Variants in NPIPB2 observed in about 807,000 individuals in gnomAD.
The protein encoded by NPIPB2 is nuclear pore complex-interacting protein family member B2.
A neutral mutation model predicts 30.8 loss-of-function variants in NPIPB2; 27 were observed. That is an observed-to-expected ratio of 0.88 (90% confidence interval 0.65 to 1.21). The LOEUF is 1.21. Ranked by LOEUF, NPIPB2 falls within the 50% of genes most tolerant of loss-of-function variation. The pLI, the probability that NPIPB2 is intolerant of heterozygous loss-of-function variation, is 0.00. For missense variants in NPIPB2, 440 were observed against 446.2 expected (o/e 0.99, Z 0.13); for synonymous variants, 147 against 162.0 (o/e 0.91, Z 0.70).
In NPIPB2 at chr16:11,960,785, T is replaced by C. The variant is rs573524273; in HGVS notation, c.-584+15783A>G. On this transcript the variant is annotated intron_variant, in intron 1 of 5. Transcript: ENST00000538896. ...CTTCTTTAGTGCATCGCCCCTGATC[T>C]TCCTGTAGAATTTGACTCCACTCCC... Among the ~76,000 whole-genome samples, 5 of 152,260 alleles carry C rather than the reference T, an allele frequency of 3.3e-5. No individual in the cohort carries two copies. In the East Asian group the frequency reaches 9.7e-4, roughly 29 times the overall value.
At chr16:11,933,860 T>G (rs1358791034) in exon 3 of NPIPB2, 1 of 1,574,034 alleles carries the variant, frequency 6.4e-7, no homozygotes, top group Non-Finnish European at 8.6e-7. Flanking sequence ...CCTGGCTCTC[T>G]GCTGTACATC....
chr16:11,953,038 T>C (rs2055081613), intron 1 of NPIPB2, among the ~76,000 whole-genome samples: 2 of 152,208 alleles, frequency 1.3e-5, no homozygotes, highest in Non-Finnish European at 2.9e-5. Context: ...CATGTTCTCA[T>C]GGTCGCTTCT....
intron 1 of NPIPB2, among the ~76,000 whole-genome samples, chr16:11,948,766 CAAAAAA>C (rs34639444): frequency 8.0e-4 from 54 of 67,254 alleles, no homozygotes; most frequent in South Asian, 2.6e-3. Context: ...GACTCCGTCT[CAAAAAA>C]AAAAAAAAAA....
intron 1 of NPIPB2, among the ~76,000 whole-genome samples, chr16:11,938,099 A>G (rs1412492515): frequency 1.3e-5 from 2 of 151,914 alleles, no homozygotes; most frequent in East Asian, 1.9e-4. Context: ...GCTCACTGCA[A>G]CCTCCAGCTC....
chr16:11,951,273 G>T (rs969582207), intron 1 of NPIPB2, among the ~76,000 whole-genome samples: 2 of 151,084 alleles, frequency 1.3e-5, no homozygotes, highest in Admixed American at 6.6e-5. Flanking sequence ...TGGCTAACAC[G>T]GTGAAACCCC....
intron 1 of NPIPB2, among the ~76,000 whole-genome samples, chr16:11,947,322 T>TTA (rs1555509075): frequency 0.43 from 51,804 of 119,618 alleles, 11,859 homozygotes; most frequent in Non-Finnish European, 0.51. Flanking sequence ...ATTTATTTAT[T>TTA]TATATATATA....
rs1291827501 is a variant in NPIPB2 at position 11,933,614 on chromosome 16, C to CT, written c.390_391insA (p.Glu131ArgfsTer5). ...CGGATTTTAGCTCTACCTTTTGTTT[C>CT]CACATGTCTCCGTAGAGTAATGACG... On this transcript the variant is annotated frameshift_variant, in exon 4 of 8. Coordinates refer to ENST00000399147, the Ensembl canonical transcript of NPIPB2. LOFTEE classifies it high-confidence loss of function. 6.9e-7 allele frequency: 1 copy of CT among 1,454,280 alleles called. No individual in the cohort carries two copies. The highest frequency in any genetic ancestry group is 9.0e-7 in the Non-Finnish European group (1 of 1,111,384). The allele number at this position is 1,454,280 out of a possible 1,614,324, so 90.1% of individuals were successfully genotyped here.
At chr16:11,975,419 T>A (rs1052970608) in intron 1 of NPIPB2, among the ~76,000 whole-genome samples, 1 of 151,738 alleles carries the variant, frequency 6.6e-6, no homozygotes, top group Non-Finnish European at 1.5e-5. Context: ...AGTGCTGGGA[T>A]TACAGGCGTG....
intron 1 of NPIPB2, chr16:11,963,776 C>G (rs1318208275): frequency 7.0e-6 from 1 of 142,246 alleles, no homozygotes; most frequent in Non-Finnish European, 1.5e-5. Context: ...TGGCTCACAC[C>G]TGTAATCCCA....
At chr16:11,933,701 T>G (rs563976911) in exon 4 of NPIPB2, 1 of 1,596,840 alleles carries the variant, frequency 6.3e-7, no homozygotes, top group Non-Finnish European at 8.5e-7. Flanking sequence ...TGCATACAAA[T>G]GGACCTCAGC....
At chr16:11,967,834 T>C (rs777477440) in intron 1 of NPIPB2, 2 of 1,613,836 alleles carry the variant, frequency 1.2e-6, no homozygotes, top group Admixed American at 1.7e-5. Context: ...GAGAAATCAA[T>C]TTCTGCTAGG....
At chr16:11,966,215 G>C (rs371280917) in intron 1 of NPIPB2, 4 of 1,613,304 alleles carry the variant, frequency 2.5e-6, no homozygotes, top group South Asian at 1.1e-5. Context: ...TTCAGTGAAA[G>C]GAACGAATGC....
At chr16:11,927,828 G>A (rs1171323571) in exon 8 of NPIPB2, 1 of 1,378,486 alleles carries the variant, frequency 7.3e-7, no homozygotes, top group Non-Finnish European at 9.9e-7. Context: ...GTGAGGTAGG[G>A]CCAGTAGGGC....
intron 1 of NPIPB2, among the ~76,000 whole-genome samples, chr16:11,949,056 G>C (rs1385184508): frequency 2.6e-5 from 4 of 151,892 alleles, no homozygotes; most frequent in African/African-American, 9.7e-5. Context: ...GGCTGAGATG[G>C]GAGGATTGCT....
intron 1 of NPIPB2, among the ~76,000 whole-genome samples, chr16:11,955,469 G>T (rs1321622545): frequency 6.6e-6 from 1 of 151,564 alleles, no homozygotes; most frequent in African/African-American, 2.4e-5. Flanking sequence ...CAGCACTTTG[G>T]GAGGCTGAGG....
chr16:11,927,578 G>A (rs1380978864), exon 8 of NPIPB2: 1 of 1,608,380 alleles, frequency 6.2e-7, no homozygotes, highest in Admixed American at 1.7e-5. Flanking sequence ...TTCTGCCTCA[G>A]CCTCCTGAGT....
At chr16:11,951,897 C>T (rs541371055) in intron 1 of NPIPB2, among the ~76,000 whole-genome samples, 3 of 152,022 alleles carry the variant, frequency 2.0e-5, no homozygotes, top group East Asian at 3.9e-4. Flanking sequence ...CGGTGGCTCA[C>T]GCCTGTAATC....
chr16:11,975,667 T>C (rs1014034423), intron 1 of NPIPB2, among the ~76,000 whole-genome samples: 1 of 151,768 alleles, frequency 6.6e-6, no homozygotes, highest in African/African-American at 2.4e-5. Flanking sequence ...CTCGGCTCAC[T>C]GAAACCTCTG....
chr16:11,975,929 T>G (rs1234846383), intron 1 of NPIPB2, among the ~76,000 whole-genome samples: 1 of 151,494 alleles, frequency 6.6e-6, no homozygotes, highest in Admixed American at 6.6e-5. Flanking sequence ...TCAGATCGTA[T>G]CACTCCTCTG....
Sources: allele counts gnomAD v4.1 joint callset (sites outside exome capture counted in the v4.1 genomes callset), GRCh38; gene constraint gnomAD v4.1.1; transcripts MANE v1.5; gene names NCBI Gene and HGNC (gene_info 2026-07-23, HGNC 2026-07-21).